WFS1: variants seen among roughly 807,000 people sequenced by gnomAD.
The protein encoded by WFS1 is wolframin.
WFS1 carries 90 observed loss-of-function variants against 68.5 expected under a neutral mutation model. The observed-to-expected ratio is 1.31, with a 90% CI of 1.11 to 1.56. WFS1 has a LOEUF of 1.56. Among genes scored for constraint, WFS1 ranks in the 40% most tolerant of loss-of-function variants. WFS1 has a pLI of 0.00. For synonymous variants in WFS1, 860 were observed against 540.7 expected (o/e 1.59, Z -8.19); for missense variants, 1,767 against 1,232.6 (o/e 1.43, Z -6.49).
In WFS1 at chr4:6,301,426, C is replaced by G. The variant is rs368979757; in HGVS notation, c.1631C>G (p.Ser544Cys). The change falls in exon 8 of 8, where the codon TCC becomes TGC. Residue 544 changes from serine to cysteine, a missense_variant. By Grantham distance (112) the Ser-to-Cys change is moderately radical. Coordinates refer to ENST00000226760, the MANE Select transcript of WFS1 (RefSeq NM_006005.3). ...YLVCFMWCEL[S>C]VVILLESTGL... is the part of the protein sequence containing the mutation. ...GTGTGCTTCATGTGGTGTGAGCTCT[C>G]CGTGGTCATCCTGCTGGAGTCCACC... 1 of 1,612,346 alleles carries G rather than the reference C, an allele frequency of 6.2e-7. No individual in the cohort carries two copies. The highest frequency in any genetic ancestry group is 8.5e-7 in the Non-Finnish European group (1 of 1,180,050).
chr4:6,279,909 C>T (rs1730107522), intron 2 of WFS1, among the ~76,000 whole-genome samples: 1 of 152,242 alleles, frequency 6.6e-6, no homozygotes. Flanking sequence ...TTCAGCCCTT[C>T]ATTCAGCAAG....
At chr4:6,279,152 T>A (rs1730082839) in intron 2 of WFS1, among the ~76,000 whole-genome samples, 1 of 152,144 alleles carries the variant, frequency 6.6e-6, no homozygotes, top group Non-Finnish European at 1.5e-5. Context: ...GCATGCCCAG[T>A]GGCCGCAGGG....
chr4:6,295,572 G>C (rs1289512719), intron 7 of WFS1, among the ~76,000 whole-genome samples: 1 of 152,204 alleles, frequency 6.6e-6, no homozygotes, highest in African/African-American at 2.4e-5. Flanking sequence ...CCAGTGCCTT[G>C]AAGATGCCTT....
chr4:6,300,741 TCCA>T lies in WFS1; in HGVS notation c.950_952del (p.Thr317del), dbSNP rs774469285. On this transcript the variant is annotated inframe_deletion, in exon 8 of 8. Coordinates refer to ENST00000226760, the MANE Select transcript of WFS1 (RefSeq NM_006005.3). ...CTCCAGGGCAGGCATGCACTGGCTG[TCCA>T]CCATCATCCCCACGCACCACATCAA... 2 of 1,613,922 alleles carry T rather than the reference TCCA, an allele frequency of 1.2e-6. No homozygotes were observed. Among genetic ancestry groups the T allele is most frequent in the East Asian group, 4.5e-5 (2 of 44,882 alleles).
chr4:6,299,164 G>C (rs1257515068), intron 7 of WFS1, among the ~76,000 whole-genome samples: 1 of 152,220 alleles, frequency 6.6e-6, no homozygotes, highest in Admixed American at 6.5e-5. Flanking sequence ...CCTGTGTTCT[G>C]GCAGGGCTCA....
In WFS1 at chr4:6,302,267, G is replaced by A. The variant is rs750368256; in HGVS notation, c.2472G>A (p.Glu824=). ...LLSLRQGSLI[E]FSTILEGRLG... ...GCCTGCGCCAGGGCAGCCTCATCGA[G>A]TTCAGCACCATCCTGGAGGGCCGCC... Residue 824 remains glutamate (E), a synonymous_variant, in exon 8 of 8, where the codon GAG becomes GAA. Coordinates refer to ENST00000226760, the MANE Select transcript of WFS1 (RefSeq NM_006005.3). 11 of 1,605,918 alleles carry A rather than the reference G, an allele frequency of 6.8e-6. No individual in the cohort carries two copies. Among genetic ancestry groups the A allele is most frequent in the Non-Finnish European group, 9.4e-6 (11 of 1,174,756 alleles).
intron 2 of WFS1, 95 bp downstream of exon 2, chr4:6,277,782 G>A: frequency 1.5e-6 from 2 of 1,357,076 alleles, no homozygotes; most frequent in Non-Finnish European, 2.0e-6. Flanking sequence ...CCCCCGCCAG[G>A]TCCTCTGCAG....
chr4:6,302,400 A>G lies in WFS1; in HGVS notation c.2605A>G (p.Ser869Gly), dbSNP rs932320183. The change falls in exon 8 of 8, where the codon AGC becomes GGC. Residue 869 changes from serine to glycine, a missense_variant. Transcript: ENST00000226760. ...CGTGAAGATCGAGCACGACTGGCGC[A>G]GCACCGTGCATGGCGCCGTGAAGTT... is the stretch of plus-strand genomic sequence containing the variant. ...RHVKIEHDWR[S>G]TVHGAVKFAF... 1.2e-6 allele frequency: 2 copies of G among 1,613,040 alleles called. No individual in the cohort carries two copies. Among genetic ancestry groups the G allele is most frequent in the African/African-American group, 1.3e-5 (1 of 74,934 alleles).
Position 6,273,648 on chromosome 4 carries a change from C to T in WFS1, c.-6+3634C>T, listed in dbSNP as rs114640354. On this transcript the variant is annotated intron_variant, in intron 1 of 7. Transcript: ENST00000226760. Reference sequence around the variant, plus strand: ...CCGAGTGGATAAGCTGCAGCCCTGCCCTCAGGGCTCACAGTGGCTGTAACA... The same window carrying T: ...CCGAGTGGATAAGCTGCAGCCCTGCTCTCAGGGCTCACAGTGGCTGTAACA... 3.0e-3 allele frequency among the ~76,000 whole-genome samples: 457 copies of T among 152,330 alleles called. 4 individuals are homozygous for T. The highest frequency in any genetic ancestry group is 8.9e-3 in the African/African-American group (372 of 41,566).
At chr4:6,279,478 G>A (rs1166863381) in intron 2 of WFS1, among the ~76,000 whole-genome samples, 4 of 152,150 alleles carry the variant, frequency 2.6e-5, no homozygotes, top group Non-Finnish European at 5.9e-5. Context: ...TAAACATACC[G>A]TGGAGCCTGT....
chr4:6,291,278 T>C lies in WFS1; in HGVS notation c.542T>C (p.Leu181Pro). 1 of 1,613,122 alleles carries C rather than the reference T, an allele frequency of 6.2e-7. No homozygotes were observed. Among genetic ancestry groups the C allele is most frequent in the South Asian group, 1.1e-5 (1 of 91,040 alleles). ...GAGAGGGCCGTGCGCAAGGCAGCCC[T>C]GGTCATGTACTGGAAGCTCAACCCC... is the stretch of plus-strand genomic sequence containing the variant. ...DLERAVRKAA[L>P]VMYWKLNPKK... Residue 181 changes from leucine to proline, a missense_variant, in exon 5 of 8, where the codon CTG becomes CCG. Coordinates refer to ENST00000226760, the MANE Select transcript of WFS1 (RefSeq NM_006005.3).
At chr4:6,296,175 G>C (rs907235521) in intron 7 of WFS1, among the ~76,000 whole-genome samples, 1 of 152,216 alleles carries the variant, frequency 6.6e-6, no homozygotes, top group Non-Finnish European at 1.5e-5. Flanking sequence ...AAAGGTCACC[G>C]TCCTCGAGCC....
At position 6,301,375 on chromosome 4, in the gene WFS1, C is replaced by G; in HGVS notation, c.1580C>G (p.Thr527Ser). The G allele has an allele frequency of 1.2e-6, 2 of 1,612,558 alleles. No individual in the cohort carries two copies. The highest frequency in any genetic ancestry group is 1.1e-5 in the South Asian group (1 of 91,084). ...GCACAGCTGAGGAATTTCAAGGGCA[C>G]CTACTGCTACCTTGTGCCCTACCTG... ...RMAQLRNFKG[T>S]YCYLVPYLVC... The change falls in exon 8 of 8, where the codon ACC becomes AGC. Residue 527 changes from threonine to serine, a missense_variant. Physicochemically the swap from Thr to Ser is moderately conservative, Grantham distance 58. Transcript: ENST00000226760.
At position 6,296,350 on chromosome 4, in the gene WFS1, C is replaced by T. The variant is rs373348907; in HGVS notation, c.861+1161C>T. Among the ~76,000 whole-genome samples the T allele has an allele frequency of 1.1e-4, 17 of 152,294 alleles. No homozygotes were observed. In the East Asian group the frequency reaches 2.1e-3, roughly 19 times the overall value. ...TGAGCCCCCCGAGTGCCCAGAGCTG[C>T]GAGTCCTTTAGGGTGGCAGGTGGAA... On this transcript the variant is annotated intron_variant, in intron 7 of 7. Coordinates refer to ENST00000226760, the MANE Select transcript of WFS1 (RefSeq NM_006005.3).
At chr4:6,290,490 C>T (rs1309993687) in intron 4 of WFS1, among the ~76,000 whole-genome samples, 4 of 152,220 alleles carry the variant, frequency 2.6e-5, no homozygotes, top group African/African-American at 9.6e-5. Flanking sequence ...GCCCCGTGTT[C>T]CCCCAGCTGC....
chr4:6,270,365 G>T (rs1417419764), intron 1 of WFS1, among the ~76,000 whole-genome samples: 1 of 138,652 alleles, frequency 7.2e-6, no homozygotes, highest in Non-Finnish European at 1.6e-5. Flanking sequence ...CATCCCCCCC[G>T]AGTTGCCCCG....
At position 6,300,993 on chromosome 4, in the gene WFS1, A is replaced by G; in HGVS notation, c.1198A>G (p.Asn400Asp). The change falls in exon 8 of 8, where the codon AAC (asparagine) becomes GAC (aspartate). Residue 400 changes from asparagine to aspartate, a missense_variant. Coordinates refer to ENST00000226760, the MANE Select transcript of WFS1 (RefSeq NM_006005.3). The stretch of plus-strand genomic sequence containing the variant: ...GCAGGCCGAGGTCAACTTCGGCTGG[A>G]ACCACCTGGAGCCCTATGCCCATTT... The part of the protein sequence containing the change: ...VEQAEVNFGW[N>D]HLEPYAHFLL... 2 of 1,613,922 alleles carry G rather than the reference A, an allele frequency of 1.2e-6. No homozygotes were observed. The highest frequency in any genetic ancestry group is 1.7e-6 in the Non-Finnish European group (2 of 1,179,998).
chr4:6,289,501 C>G (rs1730404768), intron 4 of WFS1, among the ~76,000 whole-genome samples: 2 of 152,234 alleles, frequency 1.3e-5, no homozygotes, highest in African/African-American at 4.8e-5. Flanking sequence ...GTGGCCCATG[C>G]CCCTGAGCTG....
chr4:6,276,405 C>T (rs557662418), intron 1 of WFS1, among the ~76,000 whole-genome samples: 26 of 152,294 alleles, frequency 1.7e-4, no homozygotes, highest in African/African-American at 4.6e-4. Context: ...CGGCGTGACA[C>T]GGGTCACGGG....
Sources: allele counts gnomAD v4.1 joint callset (sites outside exome capture counted in the v4.1 genomes callset), GRCh38; gene constraint gnomAD v4.1.1; transcripts MANE v1.5; gene names NCBI Gene and HGNC (gene_info 2026-07-23, HGNC 2026-07-21).